Variants in CPNE4 observed in about 807,000 individuals in gnomAD.
CPNE4 encodes copine-4.
CPNE4 carries 25 observed loss-of-function variants against 67.9 expected under a neutral mutation model. The ratio of observed to expected loss-of-function variants is 0.37; its 90% CI spans 0.27 to 0.51. CPNE4 has a LOEUF of 0.51. Among genes scored for constraint, CPNE4 ranks in the 20% least tolerant of loss-of-function variants. The probability of loss-of-function intolerance (pLI) is 0.93; values close to 1 mark genes in which losing one functional copy is unlikely to be tolerated. For missense variants in CPNE4, 464 were observed against 690.8 expected, an observed-to-expected ratio of 0.67 and a Z score of 3.68; for synonymous variants, 242 against 244.9, an observed-to-expected ratio of 0.99 and a Z score of 0.11.
intron 2 of CPNE4, among the ~76,000 whole-genome samples, chr3:131,737,813 C>T (rs1021763059): frequency 4.6e-5 from 7 of 152,046 alleles, no homozygotes; most frequent in African/African-American, 1.7e-4. Flanking sequence ...GATTTCAGTG[C>T]TTAAACTTAT....
intron 7 of CPNE4, among the ~76,000 whole-genome samples, chr3:131,648,445 T>C (rs1321117847): frequency 6.6e-6 from 1 of 152,190 alleles, no homozygotes; most frequent in African/African-American, 2.4e-5. Context: ...CCATTACACT[T>C]TGAATGTCCT....
chr3:132,033,111 G>T (rs1310291368), intron 1 of CPNE4, among the ~76,000 whole-genome samples: 17 of 152,258 alleles, frequency 1.1e-4, no homozygotes, highest in Non-Finnish European at 4.4e-5. Context: ...TGAAGTTAAG[G>T]TAATTGTGTA....
At chr3:131,636,081 A>G (rs1242002826) in intron 7 of CPNE4, among the ~76,000 whole-genome samples, 2 of 78,652 alleles carry the variant, frequency 2.5e-5, no homozygotes, top group South Asian at 3.5e-4. Flanking sequence ...ACTCCGTCTC[A>G]AAAAAAAAAA....
At chr3:131,732,666 G>A (rs1206581898) in intron 2 of CPNE4, among the ~76,000 whole-genome samples, 2 of 152,312 alleles carry the variant, frequency 1.3e-5, no homozygotes, top group South Asian at 2.1e-4. Context: ...GCATCTCAGA[G>A]TCTCTTGCTG....
chr3:131,717,838 CT>C (rs2081739758), intron 3 of CPNE4, among the ~76,000 whole-genome samples: 3 of 88,372 alleles, frequency 3.4e-5, no homozygotes, highest in African/African-American at 1.4e-4. Flanking sequence ...TTCTTCCTTC[CT>C]TCCTTCCTTC....
intron 1 of CPNE4, among the ~76,000 whole-genome samples, chr3:131,977,843 C>A (rs1022638268): frequency 1.2e-4 from 18 of 151,406 alleles, no homozygotes; most frequent in Non-Finnish European, 2.4e-4. Context: ...TCCCACTCTT[C>A]CTCCTAGGTC....
chr3:131,649,445 C>A (rs1026738035), intron 7 of CPNE4, among the ~76,000 whole-genome samples: 10 of 152,100 alleles, frequency 6.6e-5, no homozygotes, highest in Non-Finnish European at 1.3e-4. Flanking sequence ...CAGGGGAGGG[C>A]GGCCATGTGG....
At chr3:131,678,774 TG>T (rs1357632573) in intron 6 of CPNE4, among the ~76,000 whole-genome samples, 2 of 152,068 alleles carry the variant, frequency 1.3e-5, no homozygotes, top group Non-Finnish European at 1.5e-5. Context: ...CCTTGCATCC[TG>T]GGGATGAAGC....
chr3:131,661,163 T>A (rs1051208092), intron 7 of CPNE4, among the ~76,000 whole-genome samples: 1 of 152,182 alleles, frequency 6.6e-6, no homozygotes, highest in Non-Finnish European at 1.5e-5. Flanking sequence ...CAGAGTTCAA[T>A]GAGAAAATTT....
chr3:131,664,802 T>A (rs1245301588), intron 7 of CPNE4, among the ~76,000 whole-genome samples: 1 of 152,156 alleles, frequency 6.6e-6, no homozygotes, highest in Non-Finnish European at 1.5e-5. Flanking sequence ...TTATAAACTC[T>A]AATATGCTTT....
At chr3:131,872,150 T>C (rs750183652) in intron 2 of CPNE4, among the ~76,000 whole-genome samples, 12 of 151,550 alleles carry the variant, frequency 7.9e-5, no homozygotes, top group Non-Finnish European at 1.8e-4. Flanking sequence ...ACAGAATCAA[T>C]AGGATGTATG....
At chr3:131,909,345 C>G (rs1306750460) in intron 1 of CPNE4, among the ~76,000 whole-genome samples, 1 of 152,112 alleles carries the variant, frequency 6.6e-6, no homozygotes, top group Admixed American at 6.6e-5. Context: ...TCAATAAAAG[C>G]CCTCTCTTGG....
At chr3:131,893,648 A>C (rs2088206307) in intron 2 of CPNE4, among the ~76,000 whole-genome samples, 2 of 152,002 alleles carry the variant, frequency 1.3e-5, no homozygotes, top group African/African-American at 4.8e-5. Context: ...AAAACTAGAA[A>C]CCAACAAGAA....
At chr3:131,738,857 T>TTTC (rs1391460806) in intron 2 of CPNE4, among the ~76,000 whole-genome samples, 5 of 150,750 alleles carry the variant, frequency 3.3e-5, no homozygotes, top group African/African-American at 9.7e-5. Context: ...TCTTTTTCTT[T>TTTC]TTTTTTTTTT....
At chr3:131,635,121 G>A (rs539873677) in intron 7 of CPNE4, among the ~76,000 whole-genome samples, 6 of 152,154 alleles carry the variant, frequency 3.9e-5, no homozygotes, top group South Asian at 2.1e-4. Flanking sequence ...TATTTTCCAC[G>A]ATTTTTCTCA....
At chr3:131,801,444 G>GTATATATATA (rs1479645211) in intron 2 of CPNE4, among the ~76,000 whole-genome samples, 16 of 85,032 alleles carry the variant, frequency 1.9e-4, no homozygotes, top group African/African-American at 7.9e-4. Flanking sequence ...GTGTGTGTGT[G>GTATATATATA]TGTGTGTGTA....
intron 2 of CPNE4, among the ~76,000 whole-genome samples, chr3:131,797,708 C>T (rs1432765017): frequency 6.6e-6 from 1 of 152,144 alleles, no homozygotes; most frequent in Non-Finnish European, 1.5e-5. Context: ...CGTGCACTAA[C>T]ACTAAGGTAG....
At position 131,542,670 on chromosome 3, in the gene CPNE4, C is replaced by A; in HGVS notation, c.1426G>T (p.Asp476Tyr). Residue 476 changes from aspartate (D) to tyrosine (Y), a missense_variant, in exon 15 of 16, where the codon GAC (aspartate) becomes TAC (tyrosine). Physicochemically the swap from Asp to Tyr is radical, Grantham distance 160. Transcript: ENST00000429747. ...TCCAGCATCTGCATGTCACTGAAGT[C>A]AGCGTTCCCTACTCCCACGATGATG... ...SVIIVGVGNA[D>Y]FSDMQMLDGD... The A allele has an allele frequency of 6.2e-7, 1 of 1,614,120 alleles. No homozygotes were observed. Among genetic ancestry groups the A allele is most frequent in the South Asian group, 1.1e-5 (1 of 91,078 alleles).
intron 7 of CPNE4, among the ~76,000 whole-genome samples, chr3:131,646,677 C>A (rs536668246): frequency 1.3e-5 from 2 of 152,138 alleles, no homozygotes; most frequent in African/African-American, 4.8e-5. Context: ...ACATTGCATG[C>A]CTGCAACAAA....
Sources: gnomAD v4.1 joint callset for allele counts (sites outside exome capture counted in the v4.1 genomes callset) on GRCh38, gnomAD v4.1.1 for gene constraint, MANE v1.5 for transcripts, NCBI Gene and HGNC (gene_info 2026-07-23, HGNC 2026-07-21) for gene names.